The following CHD9 variants were observed in gnomAD, a reference collection of about 807,000 sequenced individuals.
The protein encoded by CHD9 is ATP-dependent chromatin remodeler CHD9.
In CHD9, 77 loss-of-function variants were observed where a neutral mutation model predicts 316.1. That is an observed-to-expected ratio of 0.24 (90% CI 0.20 to 0.29). The LOEUF is 0.29. Ranked by LOEUF, CHD9 falls within the 10% of genes least tolerant of loss-of-function variation. The probability of loss-of-function intolerance (pLI) is 1.00; values close to 1 mark genes in which losing one functional copy is unlikely to be tolerated. For missense variants in CHD9, 2,763 were observed against 3,438.1 expected (o/e 0.80, Z 4.91); for synonymous variants, 1,129 against 1,158.3 (o/e 0.97, Z 0.51).
chr16:53,290,134 C>T (rs543771572), intron 27 of CHD9, among the ~76,000 whole-genome samples: 3 of 152,212 alleles, frequency 2.0e-5, no homozygotes, highest in African/African-American at 7.2e-5. Flanking sequence ...ATTAGCCAGG[C>T]ATGGTGGCAT....
At position 53,268,955 on chromosome 16, in the gene CHD9, A is replaced by T. The variant is rs139700440; in HGVS notation, c.4717+829A>T. 1.5e-3 allele frequency among the ~76,000 whole-genome samples: 228 copies of T among 152,104 alleles called. 6 individuals carry two copies. In the East Asian group the frequency reaches 0.037, roughly 25 times the overall value. On this transcript the variant is annotated intron_variant, in intron 22 of 38. Coordinates refer to ENST00000447540, the MANE Select transcript of CHD9 (RefSeq NM_001308319.2). ...GTAGCTGGGACCACAAGCATGTAGC[A>T]CCACACCCGGCTTTTAAAAATTTTT... is the stretch of plus-strand genomic sequence containing the variant.
chr16:53,263,106 T>C lies in CHD9; in HGVS notation c.4320+9T>C. 2 of 1,590,340 alleles carry C rather than the reference T, an allele frequency of 1.3e-6. No individual in the cohort carries two copies. Among genetic ancestry groups the C allele is most frequent in the Non-Finnish European group, 1.7e-6 (2 of 1,161,196 alleles). ...AGGCCATCAGTGGCAGAGTAAGTAT[T>C]TTTATCCCTCTAAAATAAACTTGCT... On this transcript the variant is annotated intron_variant, in intron 20 of 38. Transcript: ENST00000447540.
rs868708448 is a variant in CHD9 at position 53,156,813 on chromosome 16, C to T, written c.724C>T (p.His242Tyr). ...SQTSNPSAHF[H>Y]KCSSHQEGNF... The stretch of plus-strand genomic sequence containing the variant: ...AACGTCAAATCCTTCAGCACACTTC[C>T]ACAAGTGTAGCAGTCATCAAGAAGG... The change falls in exon 2 of 39, where the codon CAC becomes TAC. Residue 242 changes from histidine (H) to tyrosine (Y), a missense_variant. Around this residue, in one of 15 missense-constraint regions of CHD9, gnomAD observed 859 missense variants for 890.4 expected, o/e 0.96. Transcript: ENST00000447540. 1 of 1,613,774 alleles carries T rather than the reference C, an allele frequency of 6.2e-7. No individual in the cohort carries two copies. The highest frequency in any genetic ancestry group is 1.6e-4 in the Middle Eastern group (1 of 6,062).
intron 1 of CHD9, among the ~76,000 whole-genome samples, chr16:53,093,471 C>T (rs1287024034): frequency 6.6e-6 from 1 of 152,180 alleles, no homozygotes; most frequent in African/African-American, 2.4e-5. Context: ...TAACCCAATT[C>T]GCTCATTCAA....
In CHD9 at chr16:53,326,812, A is replaced by G. The variant is rs192308390; in HGVS notation, c.*1917A>G. 7 of 151,380 alleles carry G rather than the reference A, an allele frequency of 4.6e-5. No homozygotes were observed. The East Asian group carries it at 1.4e-3, about 29-fold the overall frequency. The allele number at this position is 151,380 out of a possible 1,614,324, so 9.4% of individuals were successfully genotyped here. On this transcript the variant is annotated 3_prime_UTR_variant, in exon 39 of 39. Coordinates refer to ENST00000447540, the MANE Select transcript of CHD9 (RefSeq NM_001308319.2). ...GGTGGAGTATTTCAACACCAACCAC[A>G]TTTCCCTTCCTCCCTCTAATTCTAC...
At chr16:53,214,735 A>G (rs1339140721) in intron 3 of CHD9, among the ~76,000 whole-genome samples, 1 of 152,188 alleles carries the variant, frequency 6.6e-6, no homozygotes, top group Non-Finnish European at 1.5e-5. Flanking sequence ...AGTAAGGTTT[A>G]TCATTGACAA....
At chr16:53,260,031 A>C (rs766427966) in intron 19 of CHD9, among the ~76,000 whole-genome samples, 11 of 152,252 alleles carry the variant, frequency 7.2e-5, no homozygotes, top group Non-Finnish European at 1.6e-4. Context: ...ATTTGTTCTG[A>C]AATAGTTAAG....
At chr16:53,184,494 G>A (rs62048034) in intron 2 of CHD9, among the ~76,000 whole-genome samples, 47,188 of 151,812 alleles carry the variant, frequency 0.31, 7,495 homozygotes, top group Middle Eastern at 0.39. Context: ...ACACCAGCAT[G>A]CCCAGTGAAT....
chr16:53,123,246 G>A (rs1426266197), intron 1 of CHD9, among the ~76,000 whole-genome samples: 1 of 150,512 alleles, frequency 6.6e-6, no homozygotes, highest in African/African-American at 2.5e-5. Flanking sequence ...GGTTTCTAGT[G>A]TATTCAGAGT....
chr16:53,128,391 A>G (rs1248081720), intron 1 of CHD9, among the ~76,000 whole-genome samples: 2 of 152,156 alleles, frequency 1.3e-5, no homozygotes, highest in African/African-American at 4.8e-5. Flanking sequence ...CATGTTGGTC[A>G]GGCTGGTCTC....
chr16:53,130,212 G>A (rs1357624326), intron 1 of CHD9, among the ~76,000 whole-genome samples: 8 of 151,796 alleles, frequency 5.3e-5, no homozygotes, highest in Non-Finnish European at 1.2e-4. Flanking sequence ...CTGGCACCTG[G>A]GCTCAATCGC....
chr16:53,267,713 G>A (rs563693604), intron 21 of CHD9, among the ~76,000 whole-genome samples: 14 of 151,862 alleles, frequency 9.2e-5, no homozygotes, highest in Non-Finnish European at 7.4e-5. Flanking sequence ...CCTTAAATTC[G>A]CATATTCAGT....
At chr16:53,222,996 C>G (rs1249195157) in intron 4 of CHD9, among the ~76,000 whole-genome samples, 2 of 152,110 alleles carry the variant, frequency 1.3e-5, no homozygotes, top group Non-Finnish European at 2.9e-5. Flanking sequence ...AACTGAAGCC[C>G]AGAGAGGTTA....
chr16:53,093,785 C>T (rs954262497), intron 1 of CHD9, among the ~76,000 whole-genome samples: 1 of 152,148 alleles, frequency 6.6e-6, no homozygotes, highest in Non-Finnish European at 1.5e-5. Flanking sequence ...TAGGGTCCTC[C>T]TGGCTCGTTT....
At chr16:53,319,746 C>A in intron 37 of CHD9, 1 of 850,378 alleles carries the variant, frequency 1.2e-6, no homozygotes, top group South Asian at 1.8e-5. Flanking sequence ...ATTGTAACTT[C>A]ATGAGAGGTT....
intron 2 of CHD9, among the ~76,000 whole-genome samples, chr16:53,178,983 A>C (rs2043286567): frequency 6.6e-6 from 1 of 152,034 alleles, no homozygotes; most frequent in South Asian, 2.1e-4. Context: ...ATGAATAACC[A>C]CTGCATTCTA....
chr16:53,091,114 G>T (rs1206082115), intron 1 of CHD9, among the ~76,000 whole-genome samples: 1 of 151,982 alleles, frequency 6.6e-6, no homozygotes, highest in African/African-American at 2.4e-5. Flanking sequence ...CTCCCAGGCT[G>T]GTTGGCGCTG....
intron 4 of CHD9, among the ~76,000 whole-genome samples, chr16:53,224,890 G>A (rs1295427156): frequency 6.6e-6 from 1 of 152,038 alleles, no homozygotes; most frequent in Non-Finnish European, 1.5e-5. Flanking sequence ...TTCAAAATAG[G>A]ATGAAGGAAA....
rs536192554 is a variant in CHD9 at position 53,066,323 on chromosome 16, A to T, written c.-165+11246A>T. Among the ~76,000 whole-genome samples, 10 of 152,324 alleles carry T rather than the reference A, an allele frequency of 6.6e-5. No individual in the cohort carries two copies. In the East Asian group the frequency reaches 1.9e-3, roughly 29 times the overall value. On this transcript the variant is annotated intron_variant, in intron 1 of 38. Coordinates refer to ENST00000447540, the MANE Select transcript of CHD9 (RefSeq NM_001308319.2). ...CAGAGGAAATTTAGGCACTAAACCC[A>T]AGTCATCGAGTTTGCTGCTTTTTAA...
Sources: allele counts gnomAD v4.1 joint callset (sites outside exome capture counted in the v4.1 genomes callset), GRCh38; gene constraint gnomAD v4.1.1; regional missense constraint gnomAD v4.1.1; transcripts MANE v1.5; gene names NCBI Gene and HGNC (gene_info 2026-07-23, HGNC 2026-07-21).